The following RANBP10 variants were observed in gnomAD, a reference collection of about 807,000 sequenced individuals.
RANBP10 encodes RAN binding protein 10.
RANBP10 carries 24 observed loss-of-function variants against 72.8 expected under a neutral mutation model. That is an observed-to-expected ratio of 0.33 (90% CI 0.24 to 0.46). The LOEUF (loss-of-function observed/expected upper bound fraction) is 0.46, where lower values mean the gene tolerates loss of function less well. Among genes scored for constraint, RANBP10 ranks in the 20% least tolerant of loss-of-function variants. The probability of loss-of-function intolerance (pLI) is 1.00; values close to 1 mark genes in which losing one functional copy is unlikely to be tolerated. For missense variants in RANBP10, 679 were observed against 817.5 expected (o/e 0.83, Z 2.07); for synonymous variants, 310 against 322.3 (o/e 0.96, Z 0.41).
In RANBP10 at chr16:67,806,526, G is replaced by A. The variant is rs1461737287; in HGVS notation, c.11C>T (p.Ala4Val). The A allele has an allele frequency of 2.0e-6, 3 of 1,508,504 alleles. No homozygotes were observed. The highest frequency in any genetic ancestry group is 2.6e-6 in the Non-Finnish European group (3 of 1,136,620). 93.4% of individuals were successfully genotyped at this position (1,508,504 alleles called of 1,614,324 possible). Residue 4 changes from alanine to valine, a missense_variant, in exon 1 of 14, where the codon GCG becomes GTG. Transcript: ENST00000317506. MAA[A>V]TADPGAGNPQ... ...GTTCCCAGCTCCCGGGTCTGCCGTC[G>A]CTGCCGCCATCTTGGAGGGAGCTAC...
In RANBP10 at chr16:67,738,043, G is replaced by C; in HGVS notation, c.569-8C>G. The C allele has an allele frequency of 6.3e-7, 1 of 1,588,158 alleles. No homozygotes were observed. The highest frequency in any genetic ancestry group is 8.6e-7 in the Non-Finnish European group (1 of 1,166,104). The stretch of plus-strand genomic sequence containing the variant: ...GGTCTGTGAAGGCTATACCTGTGGG[G>C]GGAAAGGAACAGTCATCAGGGCCAG... On this transcript the variant is annotated splice_region_variant and splice_polypyrimidine_tract_variant and intron_variant, in intron 4 of 13. Transcript: ENST00000317506.
Position 67,788,318 on chromosome 16 carries a change from T to C in RANBP10, c.348-16232A>G, listed in dbSNP as rs372964514. Reference sequence around the variant, plus strand: ...CCCAGGCTGGAGTGCAGTGGTGCGATCTCGGCTCAATGCAAGCTCCGCCTC... The same window carrying C: ...CCCAGGCTGGAGTGCAGTGGTGCGACCTCGGCTCAATGCAAGCTCCGCCTC... On this transcript the variant is annotated intron_variant, in intron 2 of 13. Coordinates refer to ENST00000317506, the MANE Select transcript of RANBP10 (RefSeq NM_020850.3). 2.2e-4 allele frequency among the ~76,000 whole-genome samples: 33 copies of C among 152,072 alleles called. No homozygotes were observed. In the East Asian group the frequency reaches 4.7e-3, roughly 21 times the overall value.
At chr16:67,782,952 C>T (rs1054177876) in intron 2 of RANBP10, among the ~76,000 whole-genome samples, 100 of 152,048 alleles carry the variant, frequency 6.6e-4, no homozygotes, top group African/African-American at 2.4e-3. Context: ...TCATCAGACT[C>T]TCTCTGGATC....
At chr16:67,743,059 G>C (rs985358886) in intron 4 of RANBP10, among the ~76,000 whole-genome samples, 1 of 152,200 alleles carries the variant, frequency 6.6e-6, no homozygotes, top group African/African-American at 2.4e-5. Context: ...TCTTGGCTGG[G>C]GCATCCAGTT....
rs1051463427 is a variant in RANBP10, at chr16:67,725,367, G to A, written c.*1061C>T. 6.6e-6 allele frequency: 1 copy of A among 152,462 alleles called. No individual in the cohort carries two copies. The highest frequency in any genetic ancestry group is 2.4e-5 in the African/African-American group (1 of 41,438). 9.4% of individuals were successfully genotyped at this position (152,462 alleles called of 1,614,324 possible). A position where few individuals can be genotyped will look rare whatever the true frequency, so the allele number is the denominator to read the frequency against. ...GAGATGGTGAAGATCTAGGCAGGAA[G>A]AAAGCAGCCCCTGTACTCAAGGGCC... On this transcript the variant is annotated 3_prime_UTR_variant, in exon 14 of 14. Coordinates refer to ENST00000317506, the MANE Select transcript of RANBP10 (RefSeq NM_020850.3).
intron 3 of RANBP10, among the ~76,000 whole-genome samples, chr16:67,756,493 G>A (rs1432915239): frequency 6.6e-6 from 1 of 152,054 alleles, no homozygotes; most frequent in Non-Finnish European, 1.5e-5. Context: ...ACGCTGAGGC[G>A]GGCGTTCAAG....
chr16:67,750,769 T>TC (rs1386188317), intron 3 of RANBP10, among the ~76,000 whole-genome samples: 11 of 144,900 alleles, frequency 7.6e-5, no homozygotes, highest in Non-Finnish European at 1.7e-4. Context: ...TTCTTTTTTT[T>TC]TTTTTTTTTT....
chr16:67,776,777 A>C lies in RANBP10; in HGVS notation c.348-4691T>G, dbSNP rs181310269. On this transcript the variant is annotated intron_variant, in intron 2 of 13. Coordinates refer to ENST00000317506, the MANE Select transcript of RANBP10 (RefSeq NM_020850.3). ...ACAGAGCAAGACTTTGTCTCAAAAA[A>C]AAAAAGAAAAAGAAAAAGAAAAAAA... 3.7e-3 allele frequency among the ~76,000 whole-genome samples: 557 copies of C among 152,036 alleles called. 5 individuals carry two copies. The highest frequency in any genetic ancestry group is 0.012 in the African/African-American group (513 of 41,456).
intron 5 of RANBP10, 91 bp from the exon 6 acceptor site, chr16:67,735,133 T>A: frequency 7.7e-7 from 1 of 1,292,996 alleles, no homozygotes; most frequent in Non-Finnish European, 1.1e-6. Flanking sequence ...TGGCCCATGC[T>A]TGGGCTGGGA....
At chr16:67,737,289 C>G (rs1174153836) in intron 5 of RANBP10, among the ~76,000 whole-genome samples, 3 of 149,720 alleles carry the variant, frequency 2.0e-5, no homozygotes, top group Non-Finnish European at 4.4e-5. Context: ...CAAACTCTGC[C>G]TCCCGGGTTC....
Position 67,729,339 on chromosome 16 carries a change from G to C in RANBP10, c.1293C>G (p.Ser431=). Reference sequence around the variant, plus strand: ...GGGACTTGGTGGAGTCTGTTGAGTTGGACTCGGAGTAATTGACGGAGGATG... The same window carrying C: ...GGGACTTGGTGGAGTCTGTTGAGTTCGACTCGGAGTAATTGACGGAGGATG... ...SSPSSVNYSE[S]NSTDSTKSQH... The change falls in exon 10 of 14, where the codon TCC becomes TCG. Residue 431 remains serine (S), a synonymous_variant. Coordinates refer to ENST00000317506, the MANE Select transcript of RANBP10 (RefSeq NM_020850.3). The surrounding 1 kb of genome is among the most constrained non-coding windows in gnomAD (Gnocchi z 7.1). 6.2e-7 allele frequency: 1 copy of C among 1,612,158 alleles called. No individual in the cohort carries two copies. Among genetic ancestry groups the C allele is most frequent in the Non-Finnish European group, 8.5e-7 (1 of 1,178,928 alleles).
At chr16:67,801,239 C>T (rs2055230418) in intron 2 of RANBP10, among the ~76,000 whole-genome samples, 2 of 152,090 alleles carry the variant, frequency 1.3e-5, no homozygotes, top group Admixed American at 1.3e-4. Context: ...TGATCAAGCC[C>T]GGCCCAGAGC....
intron 2 of RANBP10, among the ~76,000 whole-genome samples, chr16:67,791,171 G>A (rs2055019907): frequency 6.6e-6 from 1 of 151,574 alleles, no homozygotes; most frequent in African/African-American, 2.4e-5. Context: ...GTGCGACCAC[G>A]CCTGGCTAAT....
chr16:67,768,060 G>C (rs1198826251), intron 3 of RANBP10, among the ~76,000 whole-genome samples: 1 of 141,246 alleles, frequency 7.1e-6, no homozygotes, highest in African/African-American at 2.7e-5. Context: ...GCAAGACCTT[G>C]TCTCAAAAAA....
chr16:67,799,538 T>C (rs1220749782), intron 2 of RANBP10, among the ~76,000 whole-genome samples: 1 of 152,074 alleles, frequency 6.6e-6, no homozygotes, highest in Non-Finnish European at 1.5e-5. Flanking sequence ...CCGCCCGCCT[T>C]GGCCTCCCAA....
chr16:67,731,318 G>A, intron 7 of RANBP10, 154 bp downstream of exon 7: 1 of 617,376 alleles, frequency 1.6e-6, no homozygotes, highest in Non-Finnish European at 2.9e-6. Flanking sequence ...GTGCCATCTT[G>A]AAGGTGGGAC....
chr16:67,792,629 A>G (rs1398103838), intron 2 of RANBP10, among the ~76,000 whole-genome samples: 2 of 151,694 alleles, frequency 1.3e-5, no homozygotes, highest in African/African-American at 4.8e-5. Flanking sequence ...TACAAAATAC[A>G]AAAATTAGCT....
chr16:67,790,921 A>G (rs532646700), intron 2 of RANBP10, among the ~76,000 whole-genome samples: 3 of 151,228 alleles, frequency 2.0e-5, no homozygotes, highest in Non-Finnish European at 4.4e-5. Context: ...GCTGGTCTCA[A>G]ACTCTTGACC....
intron 3 of RANBP10, 74 bp from the exon 4 acceptor site, chr16:67,744,529 C>T: frequency 6.9e-7 from 1 of 1,450,314 alleles, no homozygotes; most frequent in Non-Finnish European, 9.3e-7. Flanking sequence ...GAAGCCCACC[C>T]AGGTCTCTCA....
Sources: gnomAD v4.1 joint callset for allele counts (sites outside exome capture counted in the v4.1 genomes callset) on GRCh38, gnomAD v4.1.1 for gene constraint, Gnocchi (gnomAD v3.1) non-coding constraint, MANE v1.5 for transcripts, NCBI Gene and HGNC (gene_info 2026-07-23, HGNC 2026-07-21) for gene names.